CAPN3: variants seen among roughly 807,000 people sequenced by gnomAD.
CAPN3 encodes the protein calpain 3, also known as calpain-3.
A neutral mutation model predicts 114.0 loss-of-function variants in CAPN3; 88 were observed. The ratio of observed to expected loss-of-function variants is 0.77; its 90% CI spans 0.65 to 0.92. The LOEUF (loss-of-function observed/expected upper bound fraction) is 0.92. CAPN3 is among the 40% of genes least tolerant of loss of function. The pLI, the probability that CAPN3 is intolerant of heterozygous loss-of-function variation, is 0.00. For synonymous variants in CAPN3, 386 were observed against 382.9 expected (o/e 1.01, Z -0.09); for missense variants, 1,028 against 1,069.0 (o/e 0.96, Z 0.53).
chr15:42,395,308 C>G (rs942439296), intron 8 of CAPN3, among the ~76,000 whole-genome samples: 1 of 152,166 alleles, frequency 6.6e-6, no homozygotes, highest in East Asian at 1.9e-4. Context: ...CACGCTACAC[C>G]TATCCTTACT....
At chr15:42,408,793 A>C (rs2054103925) in intron 16 of CAPN3, 1 of 319,170 alleles carries the variant, frequency 3.1e-6, no homozygotes, top group Non-Finnish European at 6.1e-6. Flanking sequence ...TAGAGGCAAA[A>C]GTCTCCAGAC....
chr15:42,392,591 ACTT>A, intron 6 of CAPN3, 45 bp from the exon 7 acceptor site: 1 of 1,459,132 alleles, frequency 6.9e-7, no homozygotes. Context: ...AAGCAGCAGA[ACTT>A]CTGTTCCCCC....
At position 42,384,464 on chromosome 15, in the gene CAPN3, T is replaced by A. The variant is rs1158385947; in HGVS notation, c.310-19T>A. The stretch of plus-strand genomic sequence containing the variant: ...ATCTACTGTTATTCTTACCTGGTCA[T>A]TTCCTTTTTGTTTCACAGGAAATTT... On this transcript the variant is annotated intron_variant, in intron 1 of 23. Transcript: ENST00000397163. 1 of 1,588,592 alleles carries A rather than the reference T, an allele frequency of 6.3e-7. No homozygotes were observed. Among genetic ancestry groups the A allele is most frequent in the Admixed American group, 1.7e-5 (1 of 59,976 alleles).
chr15:42,398,666 TATAC>T (rs1322449292), intron 9 of CAPN3, among the ~76,000 whole-genome samples: 6 of 136,034 alleles, frequency 4.4e-5, no homozygotes, highest in African/African-American at 1.6e-4. Flanking sequence ...TACACACACA[TATAC>T]ACACACACAC....
At position 42,410,605 on chromosome 15, in the gene CAPN3, T is replaced by C. The variant is rs367898987; in HGVS notation, c.2202T>C (p.Tyr734=). ...ATTGCCAGAAAATTTTCAAACACTATGACACAGACCAGTCCGGCACCATCA... is the reference window on the plus strand; with the variant it reads ...ATTGCCAGAAAATTTTCAAACACTACGACACAGACCAGTCCGGCACCATCA... ...IKAWQKIFKH[Y]DTDQSGTINS... Residue 734 remains tyrosine, a synonymous_variant, in exon 21 of 24, where the codon TAT becomes TAC. Coordinates refer to ENST00000397163, the MANE Select transcript of CAPN3 (RefSeq NM_000070.3). 6.2e-7 allele frequency: 1 copy of C among 1,613,952 alleles called. No homozygotes were observed. Among genetic ancestry groups the C allele is most frequent in the Non-Finnish European group, 8.5e-7 (1 of 1,179,950 alleles).
chr15:42,386,277 C>T lies in CAPN3; in HGVS notation c.490C>T (p.His164Tyr), dbSNP rs1595819813. ...CATCGAAAACTACGCAGGGATCTTC[C>T]ACTTCCAGGTGAGGTAATGAGAGTG... ...SFIENYAGIFHFQFWRYGEWV... is the reference protein window; with the variant it reads ...SFIENYAGIFYFQFWRYGEWV... Residue 164 changes from histidine to tyrosine, a missense_variant, in exon 3 of 24, where the codon CAC (histidine) becomes TAC (tyrosine). Coordinates refer to ENST00000397163, the MANE Select transcript of CAPN3 (RefSeq NM_000070.3). 2 of 1,608,136 alleles carry T rather than the reference C, an allele frequency of 1.2e-6. No individual in the cohort carries two copies. The highest frequency in any genetic ancestry group is 3.3e-5 in the Admixed American group (2 of 59,996).
chr15:42,408,158 C>A, intron 15 of CAPN3, 53 bp from the exon 16 acceptor site: 1 of 1,195,692 alleles, frequency 8.4e-7, no homozygotes, highest in Non-Finnish European at 1.2e-6. Context: ...CTCAGTGTGC[C>A]TGTTCAGACT....
intron 1 of CAPN3, among the ~76,000 whole-genome samples, chr15:42,380,887 G>A (rs865774757): frequency 3.3e-5 from 5 of 149,868 alleles, no homozygotes; most frequent in Admixed American, 2.0e-4. Context: ...CACGGCACCC[G>A]GCCTTATCTC....
intron 1 of CAPN3, among the ~76,000 whole-genome samples, chr15:42,381,076 A>G (rs908013715): frequency 2.0e-5 from 3 of 152,040 alleles, no homozygotes; most frequent in African/African-American, 7.3e-5. Context: ...TGCTTATGAC[A>G]TTACTGTCAT....
At chr15:42,407,009 C>T in intron 15 of CAPN3, among the ~76,000 whole-genome samples, 1 of 152,176 alleles carries the variant, frequency 6.6e-6, no homozygotes, top group East Asian at 1.9e-4. Context: ...AGGCGGGCTG[C>T]TTTTCTGCTC....
At chr15:42,362,468 G>GCCCC (rs2052671236) in intron 1 of CAPN3, among the ~76,000 whole-genome samples, 1 of 152,028 alleles carries the variant, frequency 6.6e-6, no homozygotes, top group East Asian at 1.9e-4. Flanking sequence ...TCTAAATTGT[G>GCCCC]CCCCCACCAC....
Position 42,388,963 on chromosome 15 carries a change from A to G in CAPN3, c.668A>G (p.Asn223Ser). 1 of 1,614,068 alleles carries G rather than the reference A, an allele frequency of 6.2e-7. No individual in the cohort carries two copies. The highest frequency in any genetic ancestry group is 1.1e-5 in the South Asian group (1 of 91,076). Residue 223 changes from asparagine to serine, a missense_variant, in exon 5 of 24, where the codon AAC becomes AGC. Physicochemically the swap from Asn to Ser is conservative, Grantham distance 46. Transcript: ENST00000397163. ...HGSYEALKGG[N>S]TTEAMEDFTG... Reference sequence around the variant, plus strand: ...TCCTACGAAGCTCTGAAAGGTGGGAACACCACAGAGGCCATGGAGGACTTC... The same window carrying G: ...TCCTACGAAGCTCTGAAAGGTGGGAGCACCACAGAGGCCATGGAGGACTTC...
At chr15:42,364,417 G>A (rs528166250) in intron 1 of CAPN3, among the ~76,000 whole-genome samples, 1 of 152,316 alleles carries the variant, frequency 6.6e-6, no homozygotes, top group East Asian at 1.9e-4. Flanking sequence ...CTGCCTACAA[G>A]CAGCTATGCA....
intron 4 of CAPN3, among the ~76,000 whole-genome samples, chr15:42,388,185 A>G (rs1448208961): frequency 6.6e-6 from 1 of 152,226 alleles, no homozygotes; most frequent in East Asian, 1.9e-4. Flanking sequence ...GGATCAGAGC[A>G]TTGTATCTCT....
chr15:42,408,627 C>T (rs1471582465), intron 16 of CAPN3: 12 of 393,488 alleles, frequency 3.0e-5, no homozygotes, highest in Middle Eastern at 8.3e-4. Flanking sequence ...AGCTTGAGAG[C>T]GGAGGCGCAA....
At chr15:42,391,295 G>A (rs1056052741) in intron 6 of CAPN3, among the ~76,000 whole-genome samples, 2 of 151,976 alleles carry the variant, frequency 1.3e-5, no homozygotes, top group African/African-American at 4.8e-5. Flanking sequence ...ATACATCTTT[G>A]TATACATCCA....
At chr15:42,389,187 G>A in intron 5 of CAPN3, 91 bp downstream of exon 5, 19 of 1,237,314 alleles carry the variant, frequency 1.5e-5, no homozygotes, top group Non-Finnish European at 2.2e-5. Flanking sequence ...TTTTGTGTGG[G>A]ACAGAGCGAA....
At chr15:42,363,165 C>T (rs1353265456) in intron 1 of CAPN3, among the ~76,000 whole-genome samples, 2 of 152,224 alleles carry the variant, frequency 1.3e-5, no homozygotes, top group African/African-American at 4.8e-5. Context: ...CTCTTACTCA[C>T]CAGTGCTACC....
In CAPN3 at chr15:42,372,907, G is replaced by A. The variant is rs1037685098; in HGVS notation, c.310-11576G>A. Among the ~76,000 whole-genome samples, 109 of 151,128 alleles carry A rather than the reference G, an allele frequency of 7.2e-4. 1 individual carries two copies. The highest frequency in any genetic ancestry group is 2.6e-3 in the African/African-American group (105 of 41,060). On this transcript the variant is annotated intron_variant, in intron 1 of 23. Transcript: ENST00000397163. Reference sequence around the variant, plus strand: ...CCTGTAATGCCAAAGTCATGGTTTCGACCAGCCACGGTGGCTCACACCTGC... The same window carrying A: ...CCTGTAATGCCAAAGTCATGGTTTCAACCAGCCACGGTGGCTCACACCTGC...
Sources: gnomAD v4.1 joint callset for allele counts (sites outside exome capture counted in the v4.1 genomes callset) on GRCh38, gnomAD v4.1.1 for gene constraint, MANE v1.5 for transcripts, NCBI Gene and HGNC (gene_info 2026-07-23, HGNC 2026-07-21) for gene names.